Variants in CEP85L observed in about 807,000 individuals in gnomAD.
The protein encoded by CEP85L is centrosomal protein 85L.
In CEP85L, 60 loss-of-function variants were observed where a neutral mutation model predicts 100.3. The ratio of observed to expected loss-of-function variants is 0.60; its 90% CI spans 0.49 to 0.74. The LOEUF (loss-of-function observed/expected upper bound fraction) is 0.74, where lower values mean the gene tolerates loss of function less well. Among genes scored for constraint, CEP85L ranks in the 30% least tolerant of loss-of-function variants. CEP85L has a pLI of 0.00. For missense variants in CEP85L, 973 were observed against 936.2 expected (o/e 1.04, Z -0.51); for synonymous variants, 319 against 322.7 (o/e 0.99, Z 0.12).
At position 118,622,734 on chromosome 6, in the gene CEP85L, C is replaced by T. The variant is rs562436159; in HGVS notation, c.232+9719G>A. The stretch of plus-strand genomic sequence containing the variant: ...CCTCTCAGGGGACACCCATTAAGTA[C>T]CACAAGGAAATCATGAAATTACTGC... On this transcript the variant is annotated intron_variant, in intron 2 of 12. Transcript: ENST00000368491. 2.0e-5 allele frequency among the ~76,000 whole-genome samples: 3 copies of T among 152,186 alleles called. No individual in the cohort carries two copies. The South Asian group carries it at 6.2e-4, about 31-fold the overall frequency.
At chr6:118,544,683 A>T (rs142706912) in intron 3 of CEP85L, among the ~76,000 whole-genome samples, 1 of 152,296 alleles carries the variant, frequency 6.6e-6, no homozygotes, top group East Asian at 1.9e-4. Flanking sequence ...GAATTCAGAT[A>T]TTTATGAAAA....
At chr6:118,637,727 G>A (rs190010235) in intron 1 of CEP85L, among the ~76,000 whole-genome samples, 85 of 58,726 alleles carry the variant, frequency 1.4e-3, no homozygotes, top group East Asian at 2.5e-3. Context: ...AAAAAAAAAA[G>A]TTGTCTATAT....
At chr6:118,470,325 T>C (rs1485712904) in intron 11 of CEP85L, among the ~76,000 whole-genome samples, 1 of 152,020 alleles carries the variant, frequency 6.6e-6, no homozygotes, top group East Asian at 1.9e-4. Flanking sequence ...AATAAATATA[T>C]ACTGTACTAT....
intron 6 of CEP85L, among the ~76,000 whole-genome samples, chr6:118,489,973 G>A (rs1454653013): frequency 6.6e-6 from 1 of 150,692 alleles, no homozygotes; most frequent in Non-Finnish European, 1.5e-5. Flanking sequence ...ACATACGTGT[G>A]TGTATATATA....
At chr6:118,706,876 C>A (rs774238712) in intron 1 of CEP85L, among the ~76,000 whole-genome samples, 9 of 152,176 alleles carry the variant, frequency 5.9e-5, no homozygotes, top group Non-Finnish European at 1.2e-4. Flanking sequence ...TTTGTGATTC[C>A]AGTCCTGGAA....
At chr6:118,626,060 C>A (rs1432261994) in intron 2 of CEP85L, among the ~76,000 whole-genome samples, 1 of 152,082 alleles carries the variant, frequency 6.6e-6, no homozygotes, top group Non-Finnish European at 1.5e-5. Flanking sequence ...GCAGTCATCG[C>A]CCAGTTCCCA....
chr6:118,652,307 T>A, upstream of CEP85L: 1 of 755,742 alleles, frequency 1.3e-6, no homozygotes, highest in Non-Finnish European at 1.6e-6. Flanking sequence ...TTCCTCTTCT[T>A]GGCCAGTTTC....
intron 5 of CEP85L, among the ~76,000 whole-genome samples, chr6:118,504,080 G>A (rs768488320): frequency 6.6e-6 from 1 of 152,072 alleles, no homozygotes; most frequent in African/African-American, 2.4e-5. Flanking sequence ...TATCCAAAAT[G>A]TACAAATAAT....
chr6:118,486,308 T>C (rs1774177781), intron 6 of CEP85L, among the ~76,000 whole-genome samples: 1 of 152,198 alleles, frequency 6.6e-6, no homozygotes, highest in Middle Eastern at 3.2e-3. Flanking sequence ...TCTTCTCTAT[T>C]CTATTAATAC....
chr6:118,702,158 A>G (rs1432609127), intron 1 of CEP85L, among the ~76,000 whole-genome samples: 2 of 150,398 alleles, frequency 1.3e-5, no homozygotes, highest in Non-Finnish European at 3.0e-5. Flanking sequence ...TTTTTTAATC[A>G]TTCACTATGA....
chr6:118,614,708 G>A lies in CEP85L; in HGVS notation c.232+17745C>T, dbSNP rs142667395. Among the ~76,000 whole-genome samples, 566 of 152,286 alleles carry A rather than the reference G, an allele frequency of 3.7e-3. 3 individuals carry two copies. Among genetic ancestry groups the A allele is most frequent in the African/African-American group, 0.013 (540 of 41,558 alleles). ...AAAATAAAAAAATTAGCTGGTGGTG[G>A]CACATGCCTGTAATCCCAGCTACTC... On this transcript the variant is annotated intron_variant, in intron 2 of 12. Transcript: ENST00000368491.
chr6:118,579,837 C>T (rs1780463970), intron 2 of CEP85L, among the ~76,000 whole-genome samples: 1 of 152,158 alleles, frequency 6.6e-6, no homozygotes, highest in Non-Finnish European at 1.5e-5. Context: ...GCCTGAAGGG[C>T]GGGCCAGCAA....
At position 118,651,473 on chromosome 6, in the gene CEP85L, C is replaced by G; in HGVS notation, c.-204G>C. The stretch of plus-strand genomic sequence containing the variant: ...CCGCACTGCCGGCGCCTGCCATGGC[C>G]AAGCCGGCTGGGCTGAGGCCCGCGC... On this transcript the variant is annotated 5_prime_UTR_variant, in exon 1 of 13. Transcript: ENST00000368491. 7.6e-7 allele frequency: 1 copy of G among 1,312,952 alleles called. No individual in the cohort carries two copies. The highest frequency in any genetic ancestry group is 9.7e-7 in the Non-Finnish European group (1 of 1,034,122). 81.3% of individuals were successfully genotyped at this position (1,312,952 alleles called of 1,614,324 possible).
rs533360035 is a variant in CEP85L at position 118,658,032 on chromosome 6, C to A, written c.-27-5224G>T. 3.3e-5 allele frequency among the ~76,000 whole-genome samples: 5 copies of A among 152,206 alleles called. No homozygotes were observed. In the South Asian group the frequency reaches 1.0e-3, roughly 32 times the overall value. On this transcript the variant is annotated intron_variant, in intron 1 of 13. Coordinates refer to the CEP85L transcript ENST00000368488. ...ACCCAGTGGAAGAATGTAGGGATCT[C>A]TGGAACTGTAAATAGAGTTAACATC...
chr6:118,617,468 A>G (rs1773138558), intron 2 of CEP85L, among the ~76,000 whole-genome samples: 1 of 152,156 alleles, frequency 6.6e-6, no homozygotes, highest in South Asian at 2.1e-4. Flanking sequence ...CAAGGCCATA[A>G]ATCAGGTAAG....
At chr6:118,527,446 T>C (rs1393807973) in intron 3 of CEP85L, among the ~76,000 whole-genome samples, 3 of 152,160 alleles carry the variant, frequency 2.0e-5, no homozygotes, top group Non-Finnish European at 2.9e-5. Context: ...AATTAGGTGT[T>C]CCAAATTTCA....
At chr6:118,587,836 C>T (rs373578735) in intron 2 of CEP85L, among the ~76,000 whole-genome samples, 30 of 152,274 alleles carry the variant, frequency 2.0e-4, no homozygotes, top group East Asian at 1.5e-3. Flanking sequence ...AATGACTACC[C>T]TAAATATGGT....
At chr6:118,650,952 G>A (rs968768459) in intron 1 of CEP85L, among the ~76,000 whole-genome samples, 4 of 152,362 alleles carry the variant, frequency 2.6e-5, no homozygotes, top group African/African-American at 9.6e-5. Flanking sequence ...AGTTGGGGGC[G>A]CTGGGGCTGC....
chr6:118,538,279 G>T (rs1299000359), intron 3 of CEP85L, among the ~76,000 whole-genome samples: 2 of 151,684 alleles, frequency 1.3e-5, no homozygotes, highest in Non-Finnish European at 2.9e-5. Context: ...ATGTGTTTTT[G>T]TTACTAACTC....
Sources: gnomAD v4.1 joint callset for allele counts (sites outside exome capture counted in the v4.1 genomes callset) on GRCh38, gnomAD v4.1.1 for gene constraint, MANE v1.5 for transcripts, NCBI Gene and HGNC (gene_info 2026-07-23, HGNC 2026-07-21) for gene names.